Variants in HABP2 observed in about 807,000 individuals in gnomAD.
HABP2 encodes hyaluronan binding protein 2.
A neutral mutation model predicts 66.5 loss-of-function variants in HABP2; 65 were observed. The observed-to-expected ratio is 0.98, with a 90% CI of 0.80 to 1.20. The LOEUF is 1.20. HABP2 is among the 50% of genes most tolerant of loss of function. HABP2 has a pLI of 0.00. For synonymous variants in HABP2, 263 were observed against 253.9 expected (o/e 1.04, Z -0.34); for missense variants, 786 against 691.0 (o/e 1.14, Z -1.54).
chr10:113,555,306 A>G (rs890399491), intron 1 of HABP2, among the ~76,000 whole-genome samples: 3 of 152,160 alleles, frequency 2.0e-5, no homozygotes, highest in Non-Finnish European at 1.5e-5. Context: ...TGGATTACAG[A>G]CTGGTTTCCG....
intron 12 of HABP2, among the ~76,000 whole-genome samples, chr10:113,587,283 C>A (rs1276735348): frequency 6.6e-6 from 1 of 152,164 alleles, no homozygotes; most frequent in East Asian, 1.9e-4. Flanking sequence ...TGCCACTGCA[C>A]TCCAGCCTGG....
chr10:113,580,616 GC>G lies in HABP2; in HGVS notation c.765del (p.Trp256GlyfsTer11), dbSNP rs1272210863. 5.7e-6 allele frequency: 9 copies of G among 1,590,148 alleles called. No individual in the cohort carries two copies. In the Middle Eastern group the frequency reaches 8.3e-4, roughly 146 times the overall value. On this transcript the variant is annotated frameshift_variant, in exon 8 of 13. Coordinates refer to ENST00000351270, the MANE Select transcript of HABP2 (RefSeq NM_004132.5). LOFTEE classifies it high-confidence loss of function. ...FCRNPDADEK[P>X]WCFIKVTNDK... ...TTAGAAACCCAGATGCGGACGAAAA[GC>G]CCTGGTGCTTTATTAAAGTTACCAA...
chr10:113,560,787 A>G (rs541612005), intron 1 of HABP2, among the ~76,000 whole-genome samples: 47 of 152,346 alleles, frequency 3.1e-4, no homozygotes, highest in Non-Finnish European at 5.6e-4. Flanking sequence ...ATATTGTAGG[A>G]TTCCGCTTCC....
intron 10 of HABP2, 70 bp from the exon 11 acceptor site, chr10:113,584,078 A>C (rs1845590595): frequency 7.1e-7 from 1 of 1,406,564 alleles, no homozygotes; most frequent in Admixed American, 1.7e-5. Context: ...CTTCATGAGC[A>C]AGTTGGAGCT....
At chr10:113,564,218 G>A (rs1845155358) in intron 1 of HABP2, among the ~76,000 whole-genome samples, 1 of 152,118 alleles carries the variant, frequency 6.6e-6, no homozygotes, top group South Asian at 2.1e-4. Context: ...TCACTATCAT[G>A]AGAACAGCAC....
chr10:113,589,167 A>G lies in HABP2; in HGVS notation c.*798A>G, dbSNP rs1353203240. The stretch of plus-strand genomic sequence containing the variant: ...GTTCCCACAGGACACGCTAAGAAGC[A>G]CAGGGAGCATTTAACAGGCTCACCC... On this transcript the variant is annotated 3_prime_UTR_variant, in exon 13 of 13. Coordinates refer to ENST00000351270, the MANE Select transcript of HABP2 (RefSeq NM_004132.5). The G allele has an allele frequency of 1.1e-5, 12 of 1,053,496 alleles. No individual in the cohort carries two copies. The highest frequency in any genetic ancestry group is 4.8e-5 in the East Asian group (2 of 41,314). 65.3% of individuals were successfully genotyped at this position (1,053,496 alleles called of 1,614,324 possible).
intron 7 of HABP2, among the ~76,000 whole-genome samples, chr10:113,579,542 T>A (rs1845480786): frequency 6.6e-6 from 1 of 152,248 alleles, no homozygotes; most frequent in Non-Finnish European, 1.5e-5. Context: ...TGATGGTCTC[T>A]GGCCCAAGGA....
rs143804779 is a variant in HABP2 at position 113,555,685 on chromosome 10, T to C, written c.69+2495T>C. ...CATCATTCATTGTGCCTTGCTGTTC[T>C]ACTCGAGGTTTGGTTTTCCTAACAT... On this transcript the variant is annotated intron_variant, in intron 1 of 12. Coordinates refer to ENST00000351270, the MANE Select transcript of HABP2 (RefSeq NM_004132.5). 3.8e-4 allele frequency among the ~76,000 whole-genome samples: 58 copies of C among 152,358 alleles called. No homozygotes were observed. The East Asian group carries it at 9.4e-3, about 25-fold the overall frequency.
intron 12 of HABP2, 100 bp from the exon 13 acceptor site, chr10:113,588,105 A>G: frequency 1.1e-6 from 1 of 940,492 alleles, no homozygotes. Flanking sequence ...CTGGCAAGGG[A>G]CTCCACCCCA....
intron 3 of HABP2, among the ~76,000 whole-genome samples, chr10:113,575,399 G>C (rs1284580444): frequency 1.3e-5 from 2 of 152,196 alleles, no homozygotes; most frequent in African/African-American, 2.4e-5. Context: ...CAATTCTTCT[G>C]TCACCCTCTT....
chr10:113,581,787 T>C, intron 8 of HABP2, 89 bp from the exon 9 acceptor site: 1 of 1,356,254 alleles, frequency 7.4e-7, no homozygotes, highest in Non-Finnish European at 1.0e-6. Context: ...TGCTCAGCTG[T>C]TGGGCTCAGA....
At chr10:113,569,342 A>G (rs1364033936) in intron 2 of HABP2, among the ~76,000 whole-genome samples, 1 of 152,100 alleles carries the variant, frequency 6.6e-6, no homozygotes, top group Non-Finnish European at 1.5e-5. Context: ...AGTTGTAGAG[A>G]TTGGGCCTTT....
At chr10:113,570,052 C>T (rs1331993924) in intron 2 of HABP2, 1 of 152,154 alleles carries the variant, frequency 6.6e-6, no homozygotes, top group Admixed American at 6.5e-5. Flanking sequence ...GAAGGTTTCC[C>T]AATGCATGCT....
intron 8 of HABP2, 93 bp from the exon 9 acceptor site, chr10:113,581,783 G>A (rs1845538707): frequency 2.3e-6 from 3 of 1,299,828 alleles, no homozygotes; most frequent in Admixed American, 3.9e-5. Flanking sequence ...CCCCTGCTCA[G>A]CTGTTGGGCT....
chr10:113,572,545 C>T (rs1845332468), intron 2 of HABP2: 1 of 287,700 alleles, frequency 3.5e-6, no homozygotes, highest in East Asian at 1.1e-4. Context: ...GCAATCAGCT[C>T]CTTATCAAAC....
chr10:113,560,994 C>T (rs1015757674), intron 1 of HABP2, among the ~76,000 whole-genome samples: 1 of 152,190 alleles, frequency 6.6e-6, no homozygotes, highest in African/African-American at 2.4e-5. Context: ...GAAAGGTACA[C>T]TTACAAATGG....
intron 1 of HABP2, among the ~76,000 whole-genome samples, chr10:113,558,726 G>A (rs1845045777): frequency 6.6e-6 from 1 of 152,202 alleles, no homozygotes; most frequent in South Asian, 2.1e-4. Flanking sequence ...ATGCCTAGCG[G>A]GGGAGTTACC....
chr10:113,585,128 T>C (rs1449964529), intron 11 of HABP2, among the ~76,000 whole-genome samples: 1 of 152,248 alleles, frequency 6.6e-6, no homozygotes, highest in East Asian at 1.9e-4. Flanking sequence ...GAAAGATGTC[T>C]GGCTAATTGG....
chr10:113,577,180 G>T lies in HABP2; in HGVS notation c.362G>T (p.Gly121Val), dbSNP rs990174546. 6.2e-7 allele frequency: 1 copy of T among 1,611,788 alleles called. No homozygotes were observed. The highest frequency in any genetic ancestry group is 2.2e-5 in the East Asian group (1 of 44,868). Residue 121 changes from glycine (G) to valine (V), a missense_variant, in exon 5 of 13, where the codon GGC becomes GTC. By Grantham distance (109) the Gly-to-Val change is moderately radical. Transcript: ENST00000351270. Reference sequence around the variant, plus strand: ...AATACGTGCAAGGACAACCCATGTGGCCGGGGCCAATGTCTCATTACCCAG... The same window carrying T: ...AATACGTGCAAGGACAACCCATGTGTCCGGGGCCAATGTCTCATTACCCAG... ...VQNTCKDNPC[G>V]RGQCLITQSP...
Sources: allele counts gnomAD v4.1 joint callset (sites outside exome capture counted in the v4.1 genomes callset), GRCh38; gene constraint gnomAD v4.1.1; transcripts MANE v1.5; gene names NCBI Gene and HGNC (gene_info 2026-07-23, HGNC 2026-07-21).